Variants in ZBBX observed in about 807,000 individuals in gnomAD.
ZBBX encodes zinc finger B-box domain containing.
A neutral mutation model predicts 108.5 loss-of-function variants in ZBBX; 101 were observed. That is an observed-to-expected ratio of 0.93 (90% CI 0.79 to 1.10). The LOEUF (loss-of-function observed/expected upper bound fraction) is 1.10, where lower values mean the gene tolerates loss of function less well. ZBBX is among the 50% of genes least tolerant of loss of function. The probability of loss-of-function intolerance (pLI) is 0.00; values close to 1 mark genes in which losing one functional copy is unlikely to be tolerated. For missense variants in ZBBX, 1,009 were observed against 941.4 expected, an observed-to-expected ratio of 1.07 and a Z score of -0.94; for synonymous variants, 356 against 323.4, an observed-to-expected ratio of 1.10 and a Z score of -1.08.
chr3:167,277,326 C>T (rs1727788061), intron 20 of ZBBX, among the ~76,000 whole-genome samples: 1 of 152,042 alleles, frequency 6.6e-6, no homozygotes, highest in South Asian at 2.1e-4. Flanking sequence ...GAGTCAAAAC[C>T]CATCAGTGTG....
At chr3:167,338,568 T>G (rs1198703771) in intron 9 of ZBBX, among the ~76,000 whole-genome samples, 1 of 152,090 alleles carries the variant, frequency 6.6e-6, no homozygotes, top group African/African-American at 2.4e-5. Context: ...ACACATAGTT[T>G]AGACCTGTAT....
At chr3:167,327,329 G>A (rs184718960) in intron 11 of ZBBX, among the ~76,000 whole-genome samples, 23 of 151,760 alleles carry the variant, frequency 1.5e-4, no homozygotes, top group Non-Finnish European at 2.9e-4. Flanking sequence ...GCTCAAAAAA[G>A]CAATAGTTGT....
At chr3:167,300,074 C>A (rs571652030) in intron 17 of ZBBX, among the ~76,000 whole-genome samples, 2 of 152,138 alleles carry the variant, frequency 1.3e-5, no homozygotes, top group East Asian at 3.9e-4. Context: ...CAGCTTAAGT[C>A]CTGTCTTACC....
chr3:167,194,085 T>C, the ZBBX span, among the ~76,000 whole-genome samples: 298 of 152,122 alleles, frequency 2.0e-3, 4 homozygotes, highest in Non-Finnish European at 3.5e-3. Flanking sequence ...AATAATTTAC[T>C]GTATATTTCA....
chr3:167,376,042 C>A (rs895859086), intron 2 of ZBBX, among the ~76,000 whole-genome samples: 7 of 152,128 alleles, frequency 4.6e-5, no homozygotes, highest in African/African-American at 2.4e-5. Context: ...AAAGCAACCA[C>A]AATATCATGG....
the ZBBX span, among the ~76,000 whole-genome samples, chr3:167,218,122 G>A: frequency 6.6e-6 from 1 of 152,034 alleles, no homozygotes; most frequent in African/African-American, 2.4e-5. Flanking sequence ...GAGGGTGGGA[G>A]GAGGGAAAGG....
At position 167,331,728 on chromosome 3, in the gene ZBBX, T is replaced by C. The variant is rs577129523; in HGVS notation, c.687+2099A>G. ...GAAGACGCACATAGAAATTCAATGC[T>C]GTACATTCATTACCCTGTAAGCACA... On this transcript the variant is annotated intron_variant, in intron 10 of 21. Coordinates refer to ENST00000675490, the MANE Select transcript of ZBBX (RefSeq NM_001199201.2). 15 of 439,982 alleles carry C rather than the reference T, an allele frequency of 3.4e-5. No individual in the cohort carries two copies. The South Asian group carries it at 1.4e-3, about 42-fold the overall frequency. The allele number at this position is 439,982 out of a possible 1,614,324, so 27.3% of individuals were successfully genotyped here. A position where few individuals can be genotyped will look rare whatever the true frequency, so the allele number is the denominator to read the frequency against.
chr3:167,227,541 C>G, the ZBBX span, among the ~76,000 whole-genome samples: 1 of 151,604 alleles, frequency 6.6e-6, no homozygotes, highest in Admixed American at 6.6e-5. Flanking sequence ...CCATCTTGGT[C>G]TTACTCAAAT....
intron 1 of ZBBX, among the ~76,000 whole-genome samples, chr3:167,387,182 T>TA (rs1275361500): frequency 2.0e-5 from 3 of 152,036 alleles, no homozygotes; most frequent in African/African-American, 7.2e-5. Flanking sequence ...CTCATTCAGA[T>TA]ATTCACCAAA....
chr3:167,242,466 A>C, intron 21 of ZBBX, 39 bp downstream of exon 21: 1 of 1,532,678 alleles, frequency 6.5e-7, no homozygotes, highest in South Asian at 1.3e-5. Context: ...AAATTTTACT[A>C]CATACTATAT....
At chr3:167,217,166 A>G in the ZBBX span, among the ~76,000 whole-genome samples, 2 of 152,220 alleles carry the variant, frequency 1.3e-5, no homozygotes, top group Admixed American at 6.5e-5. Flanking sequence ...AAAATAAGCT[A>G]TCAACAGAGT....
At chr3:167,326,271 A>G (rs914384974) in intron 11 of ZBBX, among the ~76,000 whole-genome samples, 1 of 152,150 alleles carries the variant, frequency 6.6e-6, no homozygotes, top group African/African-American at 2.4e-5. Context: ...CAAGTTAACT[A>G]ATAGTATTTA....
At chr3:167,324,764 C>T (rs750018647) in intron 11 of ZBBX, among the ~76,000 whole-genome samples, 1 of 152,248 alleles carries the variant, frequency 6.6e-6, no homozygotes, top group East Asian at 1.9e-4. Flanking sequence ...CATTCCCCTC[C>T]AGTCATCTTC....
intron 20 of ZBBX, among the ~76,000 whole-genome samples, chr3:167,279,715 A>G (rs2010234623): frequency 6.6e-6 from 1 of 151,998 alleles, no homozygotes. Flanking sequence ...TCAAGCTACC[A>G]ATGACTTTCT....
chr3:167,216,417 G>A, the ZBBX span, among the ~76,000 whole-genome samples: 86 of 151,606 alleles, frequency 5.7e-4, no homozygotes, highest in African/African-American at 2.0e-3. Context: ...AGCTAGCCAG[G>A]GAGGTGAGAG....
rs1041083953 is a variant in ZBBX at position 167,359,792 on chromosome 3, G to C, written c.432+78C>G. ...AGTTAAGTTGGGAGAGGTGTATGAGGCCATGTGAAAGTTCTATTCTAACTG... is the reference window on the plus strand; with the variant it reads ...AGTTAAGTTGGGAGAGGTGTATGAGCCCATGTGAAAGTTCTATTCTAACTG... On this transcript the variant is annotated intron_variant, in intron 8 of 21. Transcript: ENST00000675490. 17 of 599,020 alleles carry C rather than the reference G, an allele frequency of 2.8e-5. No individual in the cohort carries two copies. In the Admixed American group the frequency reaches 3.6e-4, roughly 13 times the overall value. 37.1% of individuals were successfully genotyped at this position (599,020 alleles called of 1,614,324 possible).
chr3:167,347,770 A>C (rs887791273), intron 9 of ZBBX, among the ~76,000 whole-genome samples: 2 of 151,970 alleles, frequency 1.3e-5, no homozygotes, highest in Admixed American at 6.6e-5. Context: ...CCTAGTAGAC[A>C]ATACACTTCC....
At chr3:167,279,475 C>T (rs1728347723) in intron 20 of ZBBX, among the ~76,000 whole-genome samples, 1 of 151,642 alleles carries the variant, frequency 6.6e-6, no homozygotes. Flanking sequence ...AGAGCCAAAT[C>T]ATGAGTGAAC....
the ZBBX span, among the ~76,000 whole-genome samples, chr3:167,223,909 G>T: frequency 6.6e-6 from 1 of 152,006 alleles, no homozygotes; most frequent in East Asian, 1.9e-4. Flanking sequence ...GTAGTTAATT[G>T]TTCCTACTTT....
Sources: gnomAD v4.1 joint callset for allele counts (sites outside exome capture counted in the v4.1 genomes callset) on GRCh38, gnomAD v4.1.1 for gene constraint, MANE v1.5 for transcripts, NCBI Gene and HGNC (gene_info 2026-07-23, HGNC 2026-07-21) for gene names.